ADAM29: variants seen among roughly 807,000 people sequenced by gnomAD.
ADAM29 encodes ADAM metallopeptidase domain 29.
For missense variants in ADAM29, 969 were observed against 1,001.8 expected (o/e 0.97, Z 0.44); for synonymous variants, 367 against 342.3 (o/e 1.07, Z -0.80).
intron 4 of ADAM29, among the ~76,000 whole-genome samples, chr4:174,941,853 T>TA (rs111490877): frequency 0.013 from 1,916 of 151,870 alleles, 32 homozygotes; most frequent in African/African-American, 0.043. Flanking sequence ...TCACCTGTGA[T>TA]AAAAAAAAGT....
intron 4 of ADAM29, among the ~76,000 whole-genome samples, chr4:174,947,345 G>C (rs1045733283): frequency 6.6e-5 from 10 of 152,050 alleles, no homozygotes; most frequent in Non-Finnish European, 1.0e-4. Flanking sequence ...CATGTTGGTT[G>C]TCAATTTGAG....
At chr4:174,966,738 A>G (rs951856468) in intron 4 of ADAM29, among the ~76,000 whole-genome samples, 2 of 152,158 alleles carry the variant, frequency 1.3e-5, no homozygotes, top group Admixed American at 6.5e-5. Context: ...TGGGTTAGTC[A>G]AGATCATGTC....
chr4:174,926,124 A>G (rs1743503203), intron 2 of ADAM29, among the ~76,000 whole-genome samples: 1 of 152,222 alleles, frequency 6.6e-6, no homozygotes, highest in Non-Finnish European at 1.5e-5. Context: ...CATAATAACA[A>G]TTATGTATTG....
intron 4 of ADAM29, among the ~76,000 whole-genome samples, chr4:174,941,328 C>G (rs1276769347): frequency 6.6e-6 from 1 of 152,142 alleles, no homozygotes. Context: ...TTGTCTAATA[C>G]AGTGAAGCCT....
Position 174,969,489 on chromosome 4 carries a change from G to T in ADAM29, c.-180-5857G>T, listed in dbSNP as rs182847218. On this transcript the variant is annotated intron_variant, in intron 4 of 4. Coordinates refer to ENST00000359240, the MANE Select transcript of ADAM29 (RefSeq NM_014269.4). ...AAAAAATTTTTAGAGGAAGGCCTTAGAAAGAAAATACAAGTAACAATTAAA... is the reference window on the plus strand; with the variant it reads ...AAAAAATTTTTAGAGGAAGGCCTTATAAAGAAAATACAAGTAACAATTAAA... Among the ~76,000 whole-genome samples the T allele has an allele frequency of 1.1e-3, 172 of 151,776 alleles. 1 individual carries two copies. The highest frequency in any genetic ancestry group is 0.011 in the Admixed American group (170 of 15,262).
In ADAM29 at chr4:174,930,978, C is replaced by A. The variant is rs116102803; in HGVS notation, c.-450-8C>A. 8.7e-6 allele frequency: 1 copy of A among 114,768 alleles called. No homozygotes were observed. The highest frequency in any genetic ancestry group is 1.0e-4 in the Admixed American group (1 of 9,766). The allele number at this position is 114,768 out of a possible 1,614,324, so 7.1% of individuals were successfully genotyped here. The stretch of plus-strand genomic sequence containing the variant: ...TCAGCAGTTCACAGTCTTCATTTCT[C>A]ATTTCAGGTTAGAGTACAAAACATT... On this transcript the variant is annotated splice_region_variant and splice_polypyrimidine_tract_variant and intron_variant, in intron 2 of 4. Transcript: ENST00000359240.
At chr4:174,973,715 T>C (rs919498401) in intron 4 of ADAM29, among the ~76,000 whole-genome samples, 2 of 152,228 alleles carry the variant, frequency 1.3e-5, no homozygotes, top group African/African-American at 4.8e-5. Context: ...CTTTGCTTTT[T>C]TAATTCTGAA....
At chr4:174,937,878 T>C (rs1202343055) in intron 4 of ADAM29, among the ~76,000 whole-genome samples, 3 of 152,042 alleles carry the variant, frequency 2.0e-5, no homozygotes, top group Admixed American at 2.0e-4. Context: ...CAAATTGCAA[T>C]GTTAAAAGCC....
At chr4:174,926,821 G>A (rs1743548188) in intron 2 of ADAM29, among the ~76,000 whole-genome samples, 1 of 151,422 alleles carries the variant, frequency 6.6e-6, no homozygotes, top group Non-Finnish European at 1.5e-5. Flanking sequence ...GTTTTACAAT[G>A]CTATCTATAT....
rs556791810 is a variant in ADAM29, at chr4:174,946,157, T to C, written c.-181+9144T>C. On this transcript the variant is annotated intron_variant, in intron 4 of 4. Coordinates refer to ENST00000359240, the MANE Select transcript of ADAM29 (RefSeq NM_014269.4). ...GTTTTTCCATCTGTTTGTGTCATTT[T>C]TGACTTCTTTCAGCAGTGTTATGTA... is the stretch of plus-strand genomic sequence containing the variant. Among the ~76,000 whole-genome samples, 28 of 152,248 alleles carry C rather than the reference T, an allele frequency of 1.8e-4. 1 individual carries two copies. The South Asian group carries it at 5.6e-3, about 30-fold the overall frequency.
chr4:174,932,606 A>G (rs1246514940), intron 3 of ADAM29, among the ~76,000 whole-genome samples: 1 of 152,210 alleles, frequency 6.6e-6, no homozygotes, highest in African/African-American at 2.4e-5. Flanking sequence ...AAGTTTCAAC[A>G]TATGAATTTT....
intron 3 of ADAM29, chr4:174,931,416 C>T (rs1236226705): frequency 6.6e-6 from 1 of 152,166 alleles, no homozygotes; most frequent in Non-Finnish European, 1.5e-5. Context: ...AATTTTAATT[C>T]TCAGATTCAT....
chr4:174,969,771 T>C (rs1190604093), intron 4 of ADAM29, among the ~76,000 whole-genome samples: 1 of 152,084 alleles, frequency 6.6e-6, no homozygotes, highest in Non-Finnish European at 1.5e-5. Flanking sequence ...TACTTTTCCA[T>C]ATAAAAATGA....
chr4:174,970,846 G>T (rs1415250835), intron 4 of ADAM29, among the ~76,000 whole-genome samples: 2 of 151,954 alleles, frequency 1.3e-5, no homozygotes, highest in Admixed American at 1.3e-4. Context: ...TTTCATTTCT[G>T]ATATTGAGTC....
chr4:174,936,501 C>A (rs1164796556), intron 3 of ADAM29, among the ~76,000 whole-genome samples: 4 of 151,712 alleles, frequency 2.6e-5, no homozygotes, highest in Non-Finnish European at 4.4e-5. Flanking sequence ...GTAAACTTGC[C>A]CCCTCACTCC....
At position 174,948,674 on chromosome 4, in the gene ADAM29, G is replaced by A. The variant is rs548501690; in HGVS notation, c.-181+11661G>A. On this transcript the variant is annotated intron_variant, in intron 4 of 4. Transcript: ENST00000359240. ...TGCCAGCAGCTGCAGCAGCATGGTG[G>A]GGTGCATGCATGTTGGCTGGGCAAG... is the stretch of plus-strand genomic sequence containing the variant. 3.3e-5 allele frequency among the ~76,000 whole-genome samples: 5 copies of A among 152,314 alleles called. No individual in the cohort carries two copies. The South Asian group carries it at 1.0e-3, about 32-fold the overall frequency.
intron 4 of ADAM29, among the ~76,000 whole-genome samples, chr4:174,963,781 C>T (rs1421403738): frequency 6.6e-6 from 1 of 152,128 alleles, no homozygotes; most frequent in African/African-American, 2.4e-5. Flanking sequence ...CTCCTGGGTT[C>T]AAGCGATTCT....
intron 3 of ADAM29, among the ~76,000 whole-genome samples, chr4:174,931,620 TCTA>T (rs754011162): frequency 3.9e-5 from 6 of 152,170 alleles, no homozygotes; most frequent in Non-Finnish European, 5.9e-5. Flanking sequence ...TTTATGCATA[TCTA>T]CTAATTTCTT....
intron 4 of ADAM29, among the ~76,000 whole-genome samples, chr4:174,973,950 G>A (rs1224817724): frequency 6.6e-6 from 1 of 152,342 alleles, no homozygotes; most frequent in Middle Eastern, 3.4e-3. Context: ...CTACAGCAGG[G>A]TTGTATCAGC....
Sources: allele counts gnomAD v4.1 joint callset (sites outside exome capture counted in the v4.1 genomes callset), GRCh38; gene constraint gnomAD v4.1.1; transcripts MANE v1.5; gene names NCBI Gene and HGNC (gene_info 2026-07-23, HGNC 2026-07-21).